Variants in RGS7 observed in about 807,000 individuals in gnomAD.
RGS7 encodes the protein regulator of G-protein signaling 7.
Under a neutral mutation model 81.1 loss-of-function variants are expected in RGS7, and 27 were observed. That is an observed-to-expected ratio of 0.33 (90% CI 0.25 to 0.46). The LOEUF (loss-of-function observed/expected upper bound fraction) is 0.46, where lower values mean the gene tolerates loss of function less well. Ranked by LOEUF, RGS7 falls within the 20% of genes least tolerant of loss-of-function variation. The probability of loss-of-function intolerance (pLI) is 1.00; values close to 1 mark genes in which losing one functional copy is unlikely to be tolerated. For synonymous variants in RGS7, 208 were observed against 207.7 expected, an observed-to-expected ratio of 1.00 and a Z score of -0.01; for missense variants, 396 against 607.4, an observed-to-expected ratio of 0.65 and a Z score of 3.66.
intron 3 of RGS7, among the ~76,000 whole-genome samples, chr1:240,993,077 C>T (rs544460425): frequency 1.1e-4 from 5 of 45,036 alleles, no homozygotes; most frequent in South Asian, 1.4e-3. Context: ...AGGAAAGAAA[C>T]AGAAGGAAGG....
rs545588087 is a variant in RGS7, at chr1:241,013,141, C to T, written c.176-30012G>A. ...GCAGTGGTGTGATCTCGGCTCACCG[C>T]AACCTCCACCTCCCGGGTTCAAGCG... On this transcript the variant is annotated intron_variant, in intron 3 of 18. Transcript: ENST00000440928. Among the ~76,000 whole-genome samples the T allele has an allele frequency of 7.3e-5, 11 of 150,158 alleles. No individual in the cohort carries two copies. In the South Asian group the frequency reaches 2.1e-3, roughly 29 times the overall value.
At chr1:240,993,636 T>G (rs1349045546) in intron 3 of RGS7, among the ~76,000 whole-genome samples, 1 of 152,144 alleles carries the variant, frequency 6.6e-6, no homozygotes, top group East Asian at 1.9e-4. Flanking sequence ...TACAGATAAT[T>G]TCTTTTACTC....
At chr1:241,213,431 G>A (rs1420529555) in intron 2 of RGS7, among the ~76,000 whole-genome samples, 4 of 152,190 alleles carry the variant, frequency 2.6e-5, no homozygotes, top group Admixed American at 2.6e-4. Flanking sequence ...ACGGCAGAAC[G>A]TCATTGAAGT....
chr1:240,854,061 TC>T (rs1430907305), intron 9 of RGS7, among the ~76,000 whole-genome samples: 1 of 152,136 alleles, frequency 6.6e-6, no homozygotes, highest in Non-Finnish European at 1.5e-5. Context: ...AAGAGAAATG[TC>T]ACATATACAT....
At chr1:241,317,069 T>C (rs1270003002) in intron 2 of RGS7, among the ~76,000 whole-genome samples, 4 of 152,248 alleles carry the variant, frequency 2.6e-5, no homozygotes, top group Non-Finnish European at 5.9e-5. Flanking sequence ...TGTTTGCTGA[T>C]TTCCCTGGGG....
chr1:240,837,312 T>C (rs1694880422), intron 9 of RGS7, among the ~76,000 whole-genome samples: 1 of 152,218 alleles, frequency 6.6e-6, no homozygotes. Context: ...CTTCCCTTTC[T>C]ATGATTATTT....
At chr1:240,984,269 G>C (rs1388759062) in intron 3 of RGS7, among the ~76,000 whole-genome samples, 1 of 152,142 alleles carries the variant, frequency 6.6e-6, no homozygotes, top group Non-Finnish European at 1.5e-5. Flanking sequence ...GAGTATGACT[G>C]GCAATATATA....
At chr1:240,878,115 C>G (rs1366434351) in intron 6 of RGS7, among the ~76,000 whole-genome samples, 1 of 152,128 alleles carries the variant, frequency 6.6e-6, no homozygotes, top group Non-Finnish European at 1.5e-5. Context: ...TGTCTTCTCT[C>G]CTTTCCGTCT....
chr1:241,031,862 G>A lies in RGS7; in HGVS notation c.176-48733C>T, dbSNP rs186875380. Among the ~76,000 whole-genome samples the A allele has an allele frequency of 2.7e-4, 41 of 152,112 alleles. 1 individual carries two copies. The highest frequency in any genetic ancestry group is 2.4e-3 in the Admixed American group (37 of 15,278). ...TCATCGTTGATTATTTAAGTTCCTC[G>A]TAGATTCTAGATATTAGTGCTTTGT... On this transcript the variant is annotated intron_variant, in intron 3 of 18. Coordinates refer to ENST00000440928, the MANE Select transcript of RGS7 (RefSeq NM_001364886.1).
At chr1:240,851,606 C>T (rs1315796472) in intron 9 of RGS7, among the ~76,000 whole-genome samples, 1 of 152,280 alleles carries the variant, frequency 6.6e-6, no homozygotes, top group Admixed American at 6.5e-5. Context: ...TCAGATTCCT[C>T]TGATGGAATG....
intron 2 of RGS7, among the ~76,000 whole-genome samples, chr1:241,321,638 T>C (rs1009716816): frequency 5.3e-5 from 8 of 152,240 alleles, no homozygotes; most frequent in Non-Finnish European, 8.8e-5. Context: ...TTATGGTTCC[T>C]TCAATTATGT....
chr1:240,825,356 C>A (rs977589489), intron 10 of RGS7, among the ~76,000 whole-genome samples: 1 of 152,144 alleles, frequency 6.6e-6, no homozygotes, highest in African/African-American at 2.4e-5. Flanking sequence ...GGCTTGGAGT[C>A]GGATAACCTT....
chr1:241,302,266 C>A (rs565456362), intron 2 of RGS7, among the ~76,000 whole-genome samples: 1 of 152,162 alleles, frequency 6.6e-6, no homozygotes, highest in Non-Finnish European at 1.5e-5. Flanking sequence ...TTGGCTTCGG[C>A]CGGCCGGGCG....
intron 4 of RGS7, among the ~76,000 whole-genome samples, chr1:240,981,149 A>G (rs922568475): frequency 6.6e-6 from 1 of 152,028 alleles, no homozygotes; most frequent in Non-Finnish European, 1.5e-5. Context: ...ACGCTCTGTC[A>G]CCCAGGCTGG....
At chr1:241,105,217 G>A (rs2065023979) in intron 2 of RGS7, among the ~76,000 whole-genome samples, 1 of 152,116 alleles carries the variant, frequency 6.6e-6, no homozygotes, top group African/African-American at 2.4e-5. Flanking sequence ...CTTGTTAGAG[G>A]AATTTCTTCC....
chr1:241,134,871 ATCAGCAGCGTGGG>A (rs2067378243), intron 2 of RGS7, among the ~76,000 whole-genome samples: 1 of 152,054 alleles, frequency 6.6e-6, no homozygotes, highest in Non-Finnish European at 1.5e-5. Context: ...ACTTACAGTA[ATCAGCAGCGTGGG>A]TCAGCAAGAC....
At chr1:240,993,162 A>G (rs1432404751) in intron 3 of RGS7, among the ~76,000 whole-genome samples, 1 of 148,636 alleles carries the variant, frequency 6.7e-6, no homozygotes, top group Non-Finnish European at 1.5e-5. Context: ...GGAGGAAGGA[A>G]GGGAGGGAAA....
intron 2 of RGS7, among the ~76,000 whole-genome samples, chr1:241,308,580 G>A (rs928970767): frequency 2.6e-5 from 4 of 152,138 alleles, no homozygotes; most frequent in African/African-American, 9.7e-5. Flanking sequence ...AGCAGGCTTG[G>A]GCTAGACAGC....
intron 2 of RGS7, among the ~76,000 whole-genome samples, chr1:241,306,102 G>A (rs2080097239): frequency 6.7e-6 from 1 of 149,346 alleles, no homozygotes; most frequent in Non-Finnish European, 1.5e-5. Flanking sequence ...ACCATGAGTA[G>A]CTATATTCTT....
Sources: gnomAD v4.1 joint callset for allele counts (sites outside exome capture counted in the v4.1 genomes callset) on GRCh38, gnomAD v4.1.1 for gene constraint, MANE v1.5 for transcripts, NCBI Gene and HGNC (gene_info 2026-07-23, HGNC 2026-07-21) for gene names.